Variants in DMD observed in about 807,000 individuals in gnomAD.
The protein encoded by DMD is dystrophin, also known as mutant dystrophin.
Under a neutral mutation model 330.1 loss-of-function variants are expected in DMD, and 63 were observed. The observed-to-expected ratio is 0.19, with a 90% CI of 0.16 to 0.24. The LOEUF (loss-of-function observed/expected upper bound fraction) is 0.24. Among genes scored for constraint, DMD ranks in the 10% least tolerant of loss-of-function variants. The pLI is 1.00. For synonymous variants in DMD, 1,223 were observed against 959.8 expected (o/e 1.27, Z -5.07); for missense variants, 3,344 against 2,684.1 (o/e 1.25, Z -5.43).
chrX:32,343,435 A>T (rs1212537033), intron 39 of DMD, 149 bp from the exon 40 acceptor site: 4 of 543,320 alleles, frequency 7.4e-6, no homozygotes, highest in Non-Finnish European at 1.2e-5. Context: ...ACAAAGACAT[A>T]ATTAAATTGC....
intron 56 of DMD, among the ~76,000 whole-genome samples, chrX:31,506,059 G>A (rs1603278572): frequency 8.9e-6 from 1 of 111,760 alleles, no homozygotes; most frequent in East Asian, 2.8e-4. Flanking sequence ...CTACCTCTTA[G>A]GGTTGCTGAG....
chrX:31,483,260 A>C (rs967867133), intron 57 of DMD, among the ~76,000 whole-genome samples: 2 of 108,640 alleles, frequency 1.8e-5, no homozygotes, highest in Admixed American at 9.8e-5. Context: ...GTTAGCCAGG[A>C]TGGTCTCCAT....
intron 62 of DMD, among the ~76,000 whole-genome samples, chrX:31,322,930 T>C (rs1470907107): frequency 9.0e-6 from 1 of 111,566 alleles, no homozygotes; most frequent in Non-Finnish European, 1.9e-5. Context: ...ACTGTGAAGG[T>C]ATCGTAATCA....
intron 7 of DMD, among the ~76,000 whole-genome samples, chrX:32,770,911 A>G (rs932353360): frequency 8.9e-6 from 1 of 112,173 alleles, no homozygotes; most frequent in African/African-American, 3.2e-5. Context: ...TTAAGAGAGG[A>G]TTTAGAGAGG....
intron 1 of DMD, among the ~76,000 whole-genome samples, chrX:33,280,132 G>A (rs767954012): frequency 1.8e-5 from 2 of 110,086 alleles, no homozygotes; most frequent in East Asian, 2.9e-4. Flanking sequence ...ACAGGTGTGC[G>A]CCACTACGCC....
chrX:32,430,733 C>A (rs2098234832), intron 29 of DMD, among the ~76,000 whole-genome samples: 1 of 111,424 alleles, frequency 9.0e-6, no homozygotes, highest in Admixed American at 9.6e-5. Flanking sequence ...TAGCCCCTGG[C>A]AGGAAGCATT....
intron 50 of DMD, among the ~76,000 whole-genome samples, chrX:31,810,401 C>T (rs1054578497): frequency 9.0e-6 from 1 of 111,555 alleles, no homozygotes; most frequent in African/African-American, 3.3e-5. Flanking sequence ...TGAACACTGT[C>T]GAAATGTACA....
intron 9 of DMD, among the ~76,000 whole-genome samples, chrX:32,692,998 G>T (rs1569462361): frequency 8.9e-6 from 1 of 112,055 alleles, no homozygotes; most frequent in Non-Finnish European, 1.9e-5. Flanking sequence ...GAGGCCCAGA[G>T]TTCAAGAAAT....
chrX:32,266,195 G>A (rs1169529589), intron 43 of DMD, among the ~76,000 whole-genome samples: 1 of 111,256 alleles, frequency 9.0e-6, no homozygotes, highest in Admixed American at 9.6e-5. Context: ...GAGATCCAAT[G>A]GTTTTATAAG....
intron 44 of DMD, among the ~76,000 whole-genome samples, chrX:32,180,964 A>G (rs1038554384): frequency 2.7e-5 from 3 of 111,597 alleles, no homozygotes; most frequent in African/African-American, 6.5e-5. Flanking sequence ...AAGCCAAACC[A>G]TAGGATCCAT....
At chrX:32,295,124 G>A (rs747668905) in intron 42 of DMD, among the ~76,000 whole-genome samples, 12 of 111,482 alleles carry the variant, frequency 1.1e-4, no homozygotes, top group South Asian at 3.8e-4. Flanking sequence ...TCACTATTCC[G>A]CTGAAATTCT....
chrX:33,138,948 G>C (rs1216770332), intron 1 of DMD, among the ~76,000 whole-genome samples: 1 of 110,909 alleles, frequency 9.0e-6, no homozygotes, highest in Admixed American at 9.7e-5. Context: ...CAACTAAGGG[G>C]ACAGTATCAT....
At chrX:31,803,648 CTT>C (rs1365963402) in intron 50 of DMD, among the ~76,000 whole-genome samples, 1 of 69,360 alleles carries the variant, frequency 1.4e-5, no homozygotes, top group African/African-American at 5.8e-5. Flanking sequence ...TCCTTCCTTT[CTT>C]TGTCTTCCTC....
intron 13 of DMD, among the ~76,000 whole-genome samples, chrX:32,583,334 C>A (rs1284659204): frequency 1.8e-5 from 2 of 110,408 alleles, no homozygotes; most frequent in African/African-American, 6.6e-5. Flanking sequence ...TGTCTCTACT[C>A]AAAATACAAA....
chrX:31,316,065 T>A (rs1284030231), intron 62 of DMD, among the ~76,000 whole-genome samples: 2 of 112,117 alleles, frequency 1.8e-5, no homozygotes, highest in East Asian at 5.6e-4. Flanking sequence ...ATACTCCTTA[T>A]CATATTGTTA....
chrX:31,926,274 T>C (rs768981912), intron 47 of DMD, among the ~76,000 whole-genome samples: 9 of 111,817 alleles, frequency 8.0e-5, no homozygotes, highest in Non-Finnish European at 1.5e-4. Context: ...AAGCTACCCA[T>C]AAATTTACGC....
chrX:33,264,476 T>C (rs1375474480), intron 1 of DMD, among the ~76,000 whole-genome samples: 1 of 110,855 alleles, frequency 9.0e-6, no homozygotes, highest in Non-Finnish European at 1.9e-5. Context: ...CCTAAAGTCT[T>C]GTTTAAAACT....
intron 7 of DMD, among the ~76,000 whole-genome samples, chrX:32,803,210 A>G (rs2076708930): frequency 9.0e-6 from 1 of 111,414 alleles, no homozygotes; most frequent in Non-Finnish European, 1.9e-5. Context: ...GTGTATATGT[A>G]CAGGAATTTT....
intron 29 of DMD, among the ~76,000 whole-genome samples, chrX:32,413,026 A>G (rs139188609): frequency 0.025 from 2,774 of 111,014 alleles, 82 homozygotes; most frequent in African/African-American, 0.084. Flanking sequence ...CTGCAGGAAG[A>G]GGGAAGGCTT....
Sources: gnomAD v4.1 joint callset for allele counts (sites outside exome capture counted in the v4.1 genomes callset) on GRCh38, gnomAD v4.1.1 for gene constraint, MANE v1.5 for transcripts, NCBI Gene and HGNC (gene_info 2026-07-23, HGNC 2026-07-21) for gene names.